The following LRP1B variants were observed in gnomAD, a reference collection of about 807,000 sequenced individuals.
The protein encoded by LRP1B is LDL receptor related protein 1B, also known as low-density lipoprotein receptor-related protein 1B.
LRP1B carries 217 observed loss-of-function variants against 556.6 expected under a neutral mutation model. The observed-to-expected ratio is 0.39, with a 90% CI of 0.35 to 0.44. The LOEUF (loss-of-function observed/expected upper bound fraction) is 0.44, where lower values mean the gene tolerates loss of function less well. LRP1B is among the 20% of genes least tolerant of loss of function. The pLI, the probability that LRP1B is intolerant of heterozygous loss-of-function variation, is 1.00. For missense variants in LRP1B, 5,053 were observed against 5,620.8 expected, an observed-to-expected ratio of 0.90 and a Z score of 3.23; for synonymous variants, 2,047 against 1,865.8, an observed-to-expected ratio of 1.10 and a Z score of -2.50.
intron 41 of LRP1B, among the ~76,000 whole-genome samples, chr2:140,639,297 C>T (rs565045692): frequency 2.3e-4 from 35 of 152,264 alleles, no homozygotes; most frequent in African/African-American, 7.9e-4. Context: ...AACTAATCAT[C>T]TTTCATCTTG....
At chr2:141,009,068 T>C (rs893457450) in intron 14 of LRP1B, among the ~76,000 whole-genome samples, 2 of 151,942 alleles carry the variant, frequency 1.3e-5, no homozygotes, top group Non-Finnish European at 2.9e-5. Context: ...TTCAAAATGG[T>C]GGAACAAAGA....
At chr2:140,797,081 A>G (rs1465470509) in intron 32 of LRP1B, among the ~76,000 whole-genome samples, 2 of 152,012 alleles carry the variant, frequency 1.3e-5, no homozygotes, top group Non-Finnish European at 2.9e-5. Context: ...TCCCTGAGAC[A>G]GGCAGCAGCT....
At chr2:141,843,387 A>G (rs1346874508) in intron 1 of LRP1B, among the ~76,000 whole-genome samples, 1 of 152,130 alleles carries the variant, frequency 6.6e-6, no homozygotes, top group East Asian at 1.9e-4. Flanking sequence ...TGTAATTCCG[A>G]TAAAGCTTTT....
chr2:140,992,235 A>G (rs558707724), intron 16 of LRP1B, among the ~76,000 whole-genome samples: 2 of 152,180 alleles, frequency 1.3e-5, no homozygotes, highest in African/African-American at 4.8e-5. Context: ...AGAGTTCTCC[A>G]GGGGAAAAAA....
At chr2:141,205,319 G>T (rs375544876) in intron 6 of LRP1B, among the ~76,000 whole-genome samples, 43 of 152,256 alleles carry the variant, frequency 2.8e-4, no homozygotes, top group African/African-American at 9.6e-4. Flanking sequence ...TGAGATGATT[G>T]AACTTGAGTT....
chr2:141,263,809 C>A (rs943450121), intron 3 of LRP1B, among the ~76,000 whole-genome samples: 5 of 152,070 alleles, frequency 3.3e-5, no homozygotes, highest in Admixed American at 3.3e-4. Flanking sequence ...CATGGTGATG[C>A]CAGGCTGGTT....
chr2:141,354,074 G>C (rs892657415), intron 3 of LRP1B, among the ~76,000 whole-genome samples: 3 of 151,900 alleles, frequency 2.0e-5, no homozygotes, highest in Non-Finnish European at 4.4e-5. Context: ...TGGAGTATGG[G>C]AGAAGACTGA....
intron 1 of LRP1B, among the ~76,000 whole-genome samples, chr2:141,845,031 T>A (rs527334121): frequency 6.6e-6 from 1 of 151,602 alleles, no homozygotes; most frequent in Non-Finnish European, 1.5e-5. Flanking sequence ...TTTAAATATA[T>A]TTAAATATAT....
intron 20 of LRP1B, among the ~76,000 whole-genome samples, chr2:140,929,370 A>T (rs1273048684): frequency 6.6e-6 from 1 of 152,120 alleles, no homozygotes; most frequent in African/African-American, 2.4e-5. Context: ...CTGGGTCAGA[A>T]TTAAGAGTCA....
intron 6 of LRP1B, among the ~76,000 whole-genome samples, chr2:141,189,649 TA>T (rs60427658): frequency 6.6e-6 from 1 of 151,870 alleles, no homozygotes; most frequent in Admixed American, 6.6e-5. Context: ...AGGTCAACAA[TA>T]AAAAAATTCC....
At chr2:141,215,651 T>C (rs1280801861) in intron 6 of LRP1B, among the ~76,000 whole-genome samples, 2 of 152,270 alleles carry the variant, frequency 1.3e-5, no homozygotes, top group Non-Finnish European at 2.9e-5. Flanking sequence ...AAAGTTCACA[T>C]GTTTTATGCC....
intron 41 of LRP1B, among the ~76,000 whole-genome samples, chr2:140,679,205 C>G (rs1162355567): frequency 6.6e-6 from 1 of 152,162 alleles, no homozygotes; most frequent in Non-Finnish European, 1.5e-5. Flanking sequence ...TTAGAGTCCA[C>G]CCATTATGAC....
intron 2 of LRP1B, among the ~76,000 whole-genome samples, chr2:141,576,886 G>T (rs1686773280): frequency 6.8e-6 from 1 of 147,230 alleles, no homozygotes; most frequent in African/African-American, 2.5e-5. Context: ...TCGAACTCCT[G>T]ACCTCAAGCA....
At chr2:141,890,409 A>ATGTATTGT in intron 1 of LRP1B, among the ~76,000 whole-genome samples, 1 of 89,432 alleles carries the variant, frequency 1.1e-5, no homozygotes, top group African/African-American at 4.3e-5. Context: ...ATATATATAT[A>ATGTATTGT]CTGAATTGAA....
rs183872220 is a variant in LRP1B at position 140,302,441 on chromosome 2, T to G, written c.12806-4472A>C. On this transcript the variant is annotated intron_variant, in intron 83 of 90. Coordinates refer to ENST00000389484, the MANE Select transcript of LRP1B (RefSeq NM_018557.3). ...GACTATAGCTGCTTTTAGTGTTAGG[T>G]CTACTTCATATTCAAGTTGCACTCT... is the stretch of plus-strand genomic sequence containing the variant. Among the ~76,000 whole-genome samples the G allele has an allele frequency of 7.2e-5, 11 of 152,308 alleles. No homozygotes were observed. The East Asian group carries it at 1.9e-3, about 27-fold the overall frequency.
intron 35 of LRP1B, among the ~76,000 whole-genome samples, chr2:140,767,863 T>C (rs1480325300): frequency 3.3e-5 from 5 of 151,894 alleles, no homozygotes; most frequent in Admixed American, 2.6e-4. Context: ...ATGCATGTAC[T>C]GTATACATAA....
intron 77 of LRP1B, among the ~76,000 whole-genome samples, chr2:140,343,535 A>G (rs1405228006): frequency 1.3e-5 from 2 of 151,730 alleles, no homozygotes; most frequent in Admixed American, 1.3e-4. Flanking sequence ...TGTTATATAC[A>G]TACTATGAGT....
Position 140,297,980 on chromosome 2 carries a change from C to T in LRP1B, c.12806-11G>A, listed in dbSNP as rs1258563915. On this transcript the variant is annotated splice_polypyrimidine_tract_variant and intron_variant, in intron 83 of 90. Transcript: ENST00000389484. ...TGCAGGTGGGTCTCCCTATTGGAAA[C>T]AATAAGTAATAAAAAGCAAATTATT... is the stretch of plus-strand genomic sequence containing the variant. 3 of 1,569,878 alleles carry T rather than the reference C, an allele frequency of 1.9e-6. No individual in the cohort carries two copies. In the East Asian group the frequency reaches 6.9e-5, roughly 36 times the overall value.
At chr2:140,338,756 G>A (rs964756770) in intron 77 of LRP1B, among the ~76,000 whole-genome samples, 1 of 151,694 alleles carries the variant, frequency 6.6e-6, no homozygotes, top group African/African-American at 2.4e-5. Context: ...TCTGAGAGTG[G>A]AAATGAAGAT....
Sources: gnomAD v4.1 joint callset for allele counts (sites outside exome capture counted in the v4.1 genomes callset) on GRCh38, gnomAD v4.1.1 for gene constraint, MANE v1.5 for transcripts, NCBI Gene and HGNC (gene_info 2026-07-23, HGNC 2026-07-21) for gene names.